Variants in MED17 observed in about 807,000 individuals in gnomAD.
MED17 encodes mediator of RNA polymerase II transcription subunit 17.
In MED17, 49 loss-of-function variants were observed where a neutral mutation model predicts 80.8. That is an observed-to-expected ratio of 0.61 (90% CI 0.48 to 0.77). The LOEUF (loss-of-function observed/expected upper bound fraction) is 0.77, where lower values mean the gene tolerates loss of function less well. Among genes scored for constraint, MED17 ranks in the 30% least tolerant of loss-of-function variants. The pLI is 0.00. For missense variants in MED17, 718 were observed against 787.0 expected, an observed-to-expected ratio of 0.91 and a Z score of 1.05; for synonymous variants, 281 against 280.4, an observed-to-expected ratio of 1.00 and a Z score of -0.02.
intron 8 of MED17, among the ~76,000 whole-genome samples, chr11:93,799,933 CAG>C (rs1324203420): frequency 2.0e-5 from 3 of 150,944 alleles, no homozygotes; most frequent in African/African-American, 7.3e-5. Context: ...GTTCATACCT[CAG>C]GGGTGACACC....
At position 93,790,732 on chromosome 11, in the gene MED17, A is replaced by G. The variant is rs1344150613; in HGVS notation, c.576A>G (p.Gln192=). 24 of 1,614,162 alleles carry G rather than the reference A, an allele frequency of 1.5e-5. No homozygotes were observed. Among genetic ancestry groups the G allele is most frequent in the Non-Finnish European group, 2.0e-5 (24 of 1,180,060 alleles). Residue 192 remains glutamine, a synonymous_variant, in exon 3 of 12, where the codon CAA becomes CAG. Transcript: ENST00000251871. The stretch of plus-strand genomic sequence containing the variant: ...ATTCTGAGCTTTTGCGATTACGGCA[A>G]CACTGGAAACTTCGAAAAGTTGGAG... ...DFNSELLRLR[Q]HWKLRKVGDK...
At chr11:93,807,415 A>T in intron 9 of MED17, 103 bp from the exon 10 acceptor site, 2 of 796,716 alleles carry the variant, frequency 2.5e-6, no homozygotes, top group Admixed American at 3.8e-5. Context: ...ACTTTGTCTA[A>T]AAAATAATAA....
At chr11:93,784,912 C>T in intron 1 of MED17, 149 bp downstream of exon 1, 1 of 1,153,438 alleles carries the variant, frequency 8.7e-7, no homozygotes, top group Non-Finnish European at 1.2e-6. Context: ...TGGTCGTCAT[C>T]TTTTTGTTGC....
In MED17 at chr11:93,814,441, A is replaced by G. The variant is rs563111547; in HGVS notation, c.*2377A>G. 2.0e-5 allele frequency: 3 copies of G among 152,312 alleles called. No individual in the cohort carries two copies. Among genetic ancestry groups the G allele is most frequent in the Middle Eastern group, 6.8e-3 (2 of 294 alleles). 9.4% of individuals were successfully genotyped at this position (152,312 alleles called of 1,614,324 possible). On this transcript the variant is annotated 3_prime_UTR_variant, in exon 12 of 12. Transcript: ENST00000251871. Reference sequence around the variant, plus strand: ...TTGAAGAAAACCAATTAGCCCCTCAACAAGTATTAACAGGTTGGCAAGGAG... The same window carrying G: ...TTGAAGAAAACCAATTAGCCCCTCAGCAAGTATTAACAGGTTGGCAAGGAG...
intron 9 of MED17, among the ~76,000 whole-genome samples, chr11:93,805,593 AG>A (rs1455199614): frequency 1.3e-5 from 2 of 152,178 alleles, no homozygotes; most frequent in African/African-American, 2.4e-5. Flanking sequence ...AAAAAAGATA[AG>A]GACATTTAAA....
At chr11:93,804,004 T>C (rs1303062190) in intron 9 of MED17, among the ~76,000 whole-genome samples, 1 of 6,544 alleles carries the variant, frequency 1.5e-4, no homozygotes, top group East Asian at 3.9e-3. Flanking sequence ...TGTGTGTATA[T>C]ATATATATAT....
At chr11:93,794,387 A>T (rs1943878543) in intron 5 of MED17, 1 of 279,240 alleles carries the variant, frequency 3.6e-6, no homozygotes, top group South Asian at 3.7e-5. Flanking sequence ...TATTTTTAGT[A>T]GAGATGGGGT....
At chr11:93,805,570 G>A (rs1944014592) in intron 9 of MED17, among the ~76,000 whole-genome samples, 1 of 152,186 alleles carries the variant, frequency 6.6e-6, no homozygotes, top group Admixed American at 6.5e-5. Context: ...GATAGAGTGA[G>A]ATCCTGTCTC....
chr11:93,790,642 G>T lies in MED17; in HGVS notation c.486G>T (p.Lys162Asn). The T allele has an allele frequency of 3.7e-6, 6 of 1,614,170 alleles. No individual in the cohort carries two copies. The highest frequency in any genetic ancestry group is 5.1e-6 in the Non-Finnish European group (6 of 1,180,024). ...CTGGAGCAGCACAAATCTTATTGAA[G>T]GGGGCAGAAAGACTGACTAAATCAG... ...SLAGAAQILL[K>N]GAERLTKSVT... Residue 162 changes from lysine (K) to asparagine (N), a missense_variant, in exon 3 of 12, where the codon AAG becomes AAT. Physicochemically the swap from Lys to Asn is moderately conservative, Grantham distance 94 (BLOSUM62 0). Coordinates refer to ENST00000251871, the MANE Select transcript of MED17 (RefSeq NM_004268.5).
Position 93,797,614 on chromosome 11 carries a change from C to T in MED17, c.1223C>T (p.Ser408Leu), listed in dbSNP as rs140719424. 45 of 1,613,858 alleles carry T rather than the reference C, an allele frequency of 2.8e-5. 1 individual carries two copies. The highest frequency in any genetic ancestry group is 2.0e-4 in the Admixed American group (12 of 59,998). The change falls in exon 8 of 12, where the codon TCG becomes TTG. Residue 408 changes from serine (S) to leucine (L), a missense_variant. Ser to Leu is a moderately radical substitution (Grantham distance 145, BLOSUM62 -2). Transcript: ENST00000251871. The stretch of plus-strand genomic sequence containing the variant: ...TTTGGCCACAAGAGAATGAGACTTT[C>T]GGGTCCTCAAGCTTTTGATAAAAAT... Reference protein sequence around the residue: ...APFGHKRMRLSGPQAFDKNEI... With the variant: ...APFGHKRMRLLGPQAFDKNEI...
Position 93,802,065 on chromosome 11 carries a change from C to G in MED17, c.1466+93C>G. The G allele has an allele frequency of 5.9e-6, 7 of 1,176,814 alleles. No individual in the cohort carries two copies. The South Asian group carries it at 8.1e-5, about 14-fold the overall frequency. The allele number at this position is 1,176,814 out of a possible 1,614,324, so 72.9% of individuals were successfully genotyped here. A position where few individuals can be genotyped will look rare whatever the true frequency, so the allele number is the denominator to read the frequency against. ...ATATTAAGCATTTGGTTTTTATTTG[C>G]TAGGGTGGCATAATATTTCTGTAAA... On this transcript the variant is annotated intron_variant, in intron 9 of 11. Transcript: ENST00000251871.
At chr11:93,808,085 TG>T in intron 10 of MED17, 1 of 189,768 alleles carries the variant, frequency 5.3e-6, no homozygotes, top group Non-Finnish European at 1.1e-5. Flanking sequence ...GGTTTGAGGC[TG>T]GGTATGGTGG....
At chr11:93,798,030 T>C (rs1340733242) in intron 8 of MED17, among the ~76,000 whole-genome samples, 1 of 152,238 alleles carries the variant, frequency 6.6e-6, no homozygotes, top group Non-Finnish European at 1.5e-5. Context: ...CTGAACTGAT[T>C]TACATCTTTT....
At chr11:93,798,490 C>A (rs947317731) in intron 8 of MED17, among the ~76,000 whole-genome samples, 4 of 151,904 alleles carry the variant, frequency 2.6e-5, no homozygotes, top group Non-Finnish European at 5.9e-5. Context: ...CAGTTTTTTT[C>A]TTGTTAATAC....
intron 2 of MED17, chr11:93,788,370 T>C: frequency 2.0e-6 from 1 of 495,674 alleles, no homozygotes; most frequent in Non-Finnish European, 3.6e-6. Context: ...TTGGAAGAGT[T>C]AAGTTTCATT....
intron 1 of MED17, among the ~76,000 whole-genome samples, chr11:93,785,503 T>A (rs1565287157): frequency 6.6e-6 from 1 of 152,158 alleles, no homozygotes; most frequent in African/African-American, 2.4e-5. Flanking sequence ...AATGGGAATT[T>A]AAAGATGTCA....
intron 9 of MED17, among the ~76,000 whole-genome samples, chr11:93,805,949 C>G (rs1944019349): frequency 6.7e-6 from 1 of 149,288 alleles, no homozygotes; most frequent in South Asian, 2.1e-4. Flanking sequence ...GCTTTCCAGC[C>G]TGGGCAACAT....
At position 93,795,293 on chromosome 11, in the gene MED17, G is replaced by A. The variant is rs1273871252; in HGVS notation, c.1012+233G>A. On this transcript the variant is annotated intron_variant, in intron 6 of 11. Transcript: ENST00000251871. ...CTACATATTAAAAATTTGCACTTAT[G>A]TAGTCATTATTGTGGTCAAGAGAAA... is the stretch of plus-strand genomic sequence containing the variant. The A allele has an allele frequency of 8.6e-6, 5 of 580,004 alleles. 1 individual carries two copies. The highest frequency in any genetic ancestry group is 9.3e-4 in the Middle Eastern group (2 of 2,150). 35.9% of individuals were successfully genotyped at this position (580,004 alleles called of 1,614,324 possible). A position where few individuals can be genotyped will look rare whatever the true frequency, so the allele number is the denominator to read the frequency against.
Position 93,797,314 on chromosome 11 carries a change from T to C in MED17, c.1144-221T>C, listed in dbSNP as rs552260632. 7 of 538,506 alleles carry C rather than the reference T, an allele frequency of 1.3e-5. No individual in the cohort carries two copies. In the South Asian group the frequency reaches 1.5e-4, roughly 12 times the overall value. The allele number at this position is 538,506 out of a possible 1,614,324, so 33.4% of individuals were successfully genotyped here. On this transcript the variant is annotated intron_variant, in intron 7 of 11. Transcript: ENST00000251871. ...ATGTCGGCGCATTACCCATCTGACA[T>C]GAGAAAAGGAAAAAAGTTACAGCTT...
Sources: gnomAD v4.1 joint callset for allele counts (sites outside exome capture counted in the v4.1 genomes callset) on GRCh38, gnomAD v4.1.1 for gene constraint, MANE v1.5 for transcripts, NCBI Gene and HGNC (gene_info 2026-07-23, HGNC 2026-07-21) for gene names.